PURG: variants seen among roughly 807,000 people sequenced by gnomAD.
PURG encodes purine-rich element-binding protein gamma.
PURG carries 3 observed loss-of-function variants against 24.3 expected under a neutral mutation model. The ratio of observed to expected loss-of-function variants is 0.12; its 90% CI spans 0.06 to 0.32. PURG has a LOEUF of 0.32. Ranked by LOEUF, PURG falls within the 10% of genes least tolerant of loss-of-function variation. PURG has a pLI of 1.00. For missense variants in PURG, 371 were observed against 439.1 expected (o/e 0.84, Z 1.39); for synonymous variants, 180 against 173.1 (o/e 1.04, Z -0.31).
chr8:31,030,643 T>G (rs1372050401), downstream of PURG, among the ~76,000 whole-genome samples: 1 of 151,822 alleles, frequency 6.6e-6, no homozygotes, highest in Non-Finnish European at 1.5e-5. Context: ...TTCTAAATTA[T>G]TTTTAGAAAA....
intron 1 of PURG, among the ~76,000 whole-genome samples, chr8:31,015,073 T>G (rs558097466): frequency 2.0e-5 from 3 of 152,264 alleles, no homozygotes; most frequent in African/African-American, 7.2e-5. Flanking sequence ...GTAAACCCAT[T>G]ATGGATGGGA....
At chr8:31,028,674 G>A (rs1811133626), downstream of PURG, among the ~76,000 whole-genome samples, 1 of 151,736 alleles carries the variant, frequency 6.6e-6, no homozygotes, top group South Asian at 2.1e-4. Flanking sequence ...ATTATAAAAT[G>A]TAGAGGAACT....
downstream of PURG, among the ~76,000 whole-genome samples, chr8:31,026,395 A>G (rs1212414532): frequency 2.6e-5 from 4 of 151,628 alleles, no homozygotes; most frequent in African/African-American, 4.8e-5. Flanking sequence ...GATGAACTGA[A>G]TATTTGTATA....
chr8:31,018,059 T>C (rs1810909768), intron 1 of PURG, among the ~76,000 whole-genome samples: 1 of 152,196 alleles, frequency 6.6e-6, no homozygotes, highest in South Asian at 2.1e-4. Flanking sequence ...TCTTTGAAGA[T>C]TATAAAAGGT....
chr8:31,031,994 C>T lies in PURG; in HGVS notation c.789G>A (p.Glu263=), dbSNP rs780609493. Residue 263 remains glutamate (E), a synonymous_variant, in exon 2 of 2, where the codon GAG becomes GAA. Transcript: ENST00000523392. ...GGDDDPLELP[E]GTSFRVDNKR... is the part of the protein sequence containing the mutation. The stretch of plus-strand genomic sequence containing the variant: ...TATTGTCCACTCTGAAAGAAGTCCC[C>T]TCTGGGAGTTCAAGCGGGTCATCGT... 2 of 1,614,176 alleles carry T rather than the reference C, an allele frequency of 1.2e-6. No individual in the cohort carries two copies. Among genetic ancestry groups the T allele is most frequent in the South Asian group, 1.1e-5 (1 of 91,082 alleles).
rs11574152 is a variant in PURG, at chr8:31,032,255, G to T, written c.528C>A (p.Ile176=). The change falls in exon 2 of 2, where the codon ATC becomes ATA. Residue 176 remains isoleucine, a synonymous_variant. Coordinates refer to ENST00000523392, the MANE Select transcript of PURG (RefSeq NM_001323311.2). The surrounding 1 kb of genome is among the most constrained non-coding windows in gnomAD (Gnocchi z 5.9). ...GGTAATATTTCCTATTGTCCCTCTC[G>T]ATATAGTCTGTTTTCAGGACACTGT... ...HPHSVLKTDY[I]ERDNRKYYLD... 2,820 of 1,613,956 alleles carry T rather than the reference G, an allele frequency of 1.7e-3. 4 individuals carry two copies. Among genetic ancestry groups the T allele is most frequent in the Non-Finnish European group, 2.1e-3 (2,468 of 1,180,004 alleles).
At chr8:31,000,336 G>A (rs138053802) in intron 1 of PURG, among the ~76,000 whole-genome samples, 9 of 152,248 alleles carry the variant, frequency 5.9e-5, no homozygotes, top group African/African-American at 1.9e-4. Flanking sequence ...AATCAGGGAT[G>A]ACAGTAAAAA....
At chr8:31,017,012 AT>A (rs1410698375) in intron 1 of PURG, among the ~76,000 whole-genome samples, 1 of 152,212 alleles carries the variant, frequency 6.6e-6, no homozygotes, top group African/African-American at 2.4e-5. Flanking sequence ...GAGATTTCAA[AT>A]AATCTCTTTC....
chr8:31,015,104 T>G (rs1810834757), intron 1 of PURG, among the ~76,000 whole-genome samples: 2 of 152,164 alleles, frequency 1.3e-5, no homozygotes, highest in South Asian at 4.1e-4. Context: ...GAAAACATAT[T>G]GCTTATTTTA....
chr8:31,032,247 T>C lies in PURG; in HGVS notation c.536A>G (p.Asp179Gly), dbSNP rs764804801. 6.2e-7 allele frequency: 1 copy of C among 1,614,158 alleles called. No individual in the cohort carries two copies. The highest frequency in any genetic ancestry group is 1.1e-5 in the South Asian group (1 of 91,078). ...SVLKTDYIER[D>G]NRKYYLDLKE... The stretch of plus-strand genomic sequence containing the variant: ...TAGGTCTAGGTAATATTTCCTATTG[T>C]CCCTCTCGATATAGTCTGTTTTCAG... Residue 179 changes from aspartate (D) to glycine (G), a missense_variant, in exon 2 of 2, where the codon GAC becomes GGC. Asp to Gly is a moderately conservative substitution (Grantham distance 94, BLOSUM62 -1). Transcript: ENST00000523392. This position sits in a 1 kb window ranked among gnomAD's most constrained non-coding sequence, Gnocchi z 5.9.
At chr8:31,025,214 T>A (rs1483102978) in intron 1 of PURG, among the ~76,000 whole-genome samples, 1 of 151,892 alleles carries the variant, frequency 6.6e-6, no homozygotes. Context: ...AGCACCAACA[T>A]GGGAAGCTCT....
chr8:31,016,606 A>G (rs545813432), intron 1 of PURG, among the ~76,000 whole-genome samples: 3 of 147,860 alleles, frequency 2.0e-5, no homozygotes, highest in Non-Finnish European at 4.5e-5. Flanking sequence ...AAAAAAAAAA[A>G]AAAGAAAGAA....
At chr8:31,024,678 TTTTC>T (rs1811057987) in intron 1 of PURG, among the ~76,000 whole-genome samples, 1 of 152,116 alleles carries the variant, frequency 6.6e-6, no homozygotes, top group African/African-American at 2.4e-5. Context: ...AAGAGAACCA[TTTTC>T]TTTAAGAAAA....
chr8:31,011,217 C>T (rs1349196861), intron 1 of PURG, among the ~76,000 whole-genome samples: 1 of 152,186 alleles, frequency 6.6e-6, no homozygotes, highest in Non-Finnish European at 1.5e-5. Flanking sequence ...GAAGGGCTAA[C>T]ATGTGACATG....
At chr8:31,019,249 C>G (rs1414769099) in intron 1 of PURG, among the ~76,000 whole-genome samples, 4 of 123,484 alleles carry the variant, frequency 3.2e-5, no homozygotes, top group African/African-American at 1.3e-4. Context: ...ACAAGGTTGT[C>G]AAGCATAGAA....
chr8:31,032,010 G>A lies in PURG; in HGVS notation c.773C>T (p.Pro258Leu), dbSNP rs369086930. The A allele has an allele frequency of 2.0e-5, 33 of 1,614,134 alleles. No homozygotes were observed. The highest frequency in any genetic ancestry group is 2.5e-5 in the Non-Finnish European group (29 of 1,180,032). Reference sequence around the variant, plus strand: ...AGAAGTCCCCTCTGGGAGTTCAAGCGGGTCATCGTCTCCACCTCTTCGTTC... The same window carrying A: ...AGAAGTCCCCTCTGGGAGTTCAAGCAGGTCATCGTCTCCACCTCTTCGTTC... Reference protein sequence around the residue: ...IEERRGGDDDPLELPEGTSFR... With the variant: ...IEERRGGDDDLLELPEGTSFR... The change falls in exon 2 of 2, where the codon CCG (proline) becomes CTG (leucine). Residue 258 changes from proline (P) to leucine (L), a missense_variant. Around this residue, in one of 5 missense-constraint regions of PURG, gnomAD observed 103 missense variants for 127.7 expected, o/e 0.81. Coordinates refer to ENST00000523392, the MANE Select transcript of PURG (RefSeq NM_001323311.2). This position sits in a 1 kb window ranked among gnomAD's most constrained non-coding sequence, Gnocchi z 5.9.
Position 31,006,035 on chromosome 8 carries a change from G to A in PURG, c.865-9338C>T, listed in dbSNP as rs1237419751. ...ATGGTCTATCACACTTCAAAATCAC[G>A]TTGAATGCCAGTGTCTGGGAGCCTA... On this transcript the variant is annotated intron_variant, in intron 1 of 1. Coordinates refer to the PURG transcript ENST00000339382. Among the ~76,000 whole-genome samples, 4 of 152,018 alleles carry A rather than the reference G, an allele frequency of 2.6e-5. No homozygotes were observed. The East Asian group carries it at 5.8e-4, about 22-fold the overall frequency.
At position 31,031,313 on chromosome 8, in the gene PURG, C is replaced by T; in HGVS notation, c.*426G>A. On this transcript the variant is annotated 3_prime_UTR_variant, in exon 2 of 2. Transcript: ENST00000523392. ...AGGTCAATTTCTGTTTCTGTGGTAA[C>T]TGCCCTACAGGTAAGCTTAGCAGCT... is the stretch of plus-strand genomic sequence containing the variant. 1 of 159,970 alleles carries T rather than the reference C, an allele frequency of 6.3e-6. No individual in the cohort carries two copies. Among genetic ancestry groups the T allele is most frequent in the Admixed American group, 6.0e-5 (1 of 16,726 alleles). 9.9% of individuals were successfully genotyped at this position (159,970 alleles called of 1,614,324 possible). A position where few individuals can be genotyped will look rare whatever the true frequency, so the allele number is the denominator to read the frequency against.
chr8:30,995,930 T>C (rs1810419880), exon 2 of PURG: 1 of 152,038 alleles, frequency 6.6e-6, no homozygotes, highest in Non-Finnish European at 1.5e-5. Context: ...TCAGCATGTG[T>C]GCAGTTAGCA....
Sources: allele counts gnomAD v4.1 joint callset (sites outside exome capture counted in the v4.1 genomes callset), GRCh38; gene constraint gnomAD v4.1.1; regional missense constraint gnomAD v4.1.1; non-coding constraint Gnocchi (gnomAD v3.1); transcripts MANE v1.5; gene names NCBI Gene and HGNC (gene_info 2026-07-23, HGNC 2026-07-21).